NOS1AP: variants seen among roughly 807,000 people sequenced by gnomAD.
NOS1AP encodes the protein nitric oxide synthase 1 adaptor protein, also known as carboxyl-terminal PDZ ligand of neuronal nitric oxide synthase protein.
A neutral mutation model predicts 56.2 loss-of-function variants in NOS1AP; 21 were observed. The ratio of observed to expected loss-of-function variants is 0.37; its 90% CI spans 0.26 to 0.54. The LOEUF (loss-of-function observed/expected upper bound fraction) is 0.54, where lower values mean the gene tolerates loss of function less well. NOS1AP is among the 20% of genes least tolerant of loss of function. NOS1AP has a pLI of 0.84. For synonymous variants in NOS1AP, 270 were observed against 274.6 expected (o/e 0.98, Z 0.17); for missense variants, 522 against 657.8 (o/e 0.79, Z 2.26).
intron 2 of NOS1AP, among the ~76,000 whole-genome samples, chr1:162,169,934 A>T (rs1262442392): frequency 6.6e-6 from 1 of 151,874 alleles, no homozygotes; most frequent in Non-Finnish European, 1.5e-5. Flanking sequence ...TTTCTCTGGA[A>T]TTTCCTCCCT....
intron 1 of NOS1AP, among the ~76,000 whole-genome samples, chr1:162,119,621 T>C (rs1463825412): frequency 6.6e-6 from 1 of 152,202 alleles, no homozygotes; most frequent in Non-Finnish European, 1.5e-5. Flanking sequence ...AAGAGAAGTA[T>C]TAGGAACCTA....
chr1:162,267,836 C>A (rs1292153964), intron 2 of NOS1AP, among the ~76,000 whole-genome samples: 2 of 152,078 alleles, frequency 1.3e-5, no homozygotes, highest in African/African-American at 4.8e-5. Flanking sequence ...GCAGAGGTAG[C>A]TTTAGTCCAA....
At chr1:162,308,465 C>T (rs1294146329) in intron 4 of NOS1AP, among the ~76,000 whole-genome samples, 1 of 152,112 alleles carries the variant, frequency 6.6e-6, no homozygotes, top group Non-Finnish European at 1.5e-5. Flanking sequence ...CCCACAACAC[C>T]TAGTGTCTGC....
At chr1:162,129,452 A>T (rs948673523) in intron 1 of NOS1AP, among the ~76,000 whole-genome samples, 2 of 151,826 alleles carry the variant, frequency 1.3e-5, no homozygotes, top group African/African-American at 4.8e-5. Context: ...GTGTTTTCCT[A>T]CCTCTCACGT....
intron 8 of NOS1AP, chr1:162,364,755 C>G: frequency 3.0e-6 from 3 of 987,076 alleles, no homozygotes; most frequent in Non-Finnish European, 3.6e-6. Flanking sequence ...TCTGCCATAG[C>G]AAATAAAAAA....
At chr1:162,212,226 T>C (rs1652376013) in intron 2 of NOS1AP, among the ~76,000 whole-genome samples, 1 of 152,202 alleles carries the variant, frequency 6.6e-6, no homozygotes, top group Non-Finnish European at 1.5e-5. Context: ...AGGTGTTGTT[T>C]GACATATAGA....
At chr1:162,146,295 G>A (rs1170593385) in intron 1 of NOS1AP, among the ~76,000 whole-genome samples, 1 of 151,926 alleles carries the variant, frequency 6.6e-6, no homozygotes, top group African/African-American at 2.4e-5. Flanking sequence ...TGCCTCCTCT[G>A]AGGTGGGGAG....
intron 1 of NOS1AP, among the ~76,000 whole-genome samples, chr1:162,138,844 A>G (rs1347576909): frequency 1.3e-5 from 2 of 152,144 alleles, no homozygotes; most frequent in African/African-American, 2.4e-5. Flanking sequence ...GGGAAGGGAC[A>G]CTGCACCTAG....
intron 1 of NOS1AP, among the ~76,000 whole-genome samples, chr1:162,119,535 A>C (rs1469057644): frequency 6.6e-6 from 1 of 152,228 alleles, no homozygotes; most frequent in African/African-American, 2.4e-5. Flanking sequence ...ATGGTAAAAT[A>C]TAAGCAAAGG....
chr1:162,101,400 T>C (rs1030999698), intron 1 of NOS1AP, among the ~76,000 whole-genome samples: 1 of 152,226 alleles, frequency 6.6e-6, no homozygotes, highest in African/African-American at 2.4e-5. Context: ...TGTTTAGGAT[T>C]GTCTTGGCTA....
chr1:162,098,031 C>G (rs1402358808), intron 1 of NOS1AP, among the ~76,000 whole-genome samples: 1 of 144,774 alleles, frequency 6.9e-6, no homozygotes, highest in Non-Finnish European at 1.5e-5. Context: ...GGCTTTATCT[C>G]TTCATTTATT....
At chr1:162,356,918 C>G in intron 7 of NOS1AP, 42 bp from the exon 8 acceptor site, 1 of 1,613,454 alleles carries the variant, frequency 6.2e-7, no homozygotes, top group South Asian at 1.1e-5. Flanking sequence ...CTCAAGATGG[C>G]TCCTGCCACA....
intron 2 of NOS1AP, among the ~76,000 whole-genome samples, chr1:162,191,401 A>G (rs780322174): frequency 6.6e-6 from 1 of 151,940 alleles, no homozygotes; most frequent in Non-Finnish European, 1.5e-5. Context: ...TCTGTGCACT[A>G]TGGTGCAGGG....
chr1:162,280,088 A>G (rs539369411), intron 2 of NOS1AP, among the ~76,000 whole-genome samples: 3 of 152,320 alleles, frequency 2.0e-5, no homozygotes, highest in African/African-American at 7.2e-5. Flanking sequence ...CCGAGGTGGG[A>G]GGATTGCTTG....
chr1:162,224,443 T>C (rs1300956144), intron 2 of NOS1AP, among the ~76,000 whole-genome samples: 1 of 152,132 alleles, frequency 6.6e-6, no homozygotes, highest in African/African-American at 2.4e-5. Flanking sequence ...AAGTTGGCAA[T>C]GGAAACTTAG....
At chr1:162,360,495 TCA>T in intron 8 of NOS1AP, 1 of 290,514 alleles carries the variant, frequency 3.4e-6, no homozygotes, top group Admixed American at 4.6e-5. Flanking sequence ...CCAGGTCTAT[TCA>T]CAGTTTGCCA....
At position 162,073,755 on chromosome 1, in the gene NOS1AP, C is replaced by T. The variant is rs529854183; in HGVS notation, c.105+3473C>T. ...GATTACAGGCGTGAACCACTGCGCCCGGCTCAAACTTTTAATGCTTGGCTG... is the reference window on the plus strand; with the variant it reads ...GATTACAGGCGTGAACCACTGCGCCTGGCTCAAACTTTTAATGCTTGGCTG... On this transcript the variant is annotated intron_variant, in intron 1 of 9. Coordinates refer to ENST00000361897, the MANE Select transcript of NOS1AP (RefSeq NM_014697.3). 3.0e-4 allele frequency among the ~76,000 whole-genome samples: 46 copies of T among 152,364 alleles called. 3 individuals are homozygous for T. Among genetic ancestry groups the T allele is most frequent in the Admixed American group, 9.1e-4 (14 of 15,312 alleles).
intron 1 of NOS1AP, among the ~76,000 whole-genome samples, chr1:162,110,870 G>C (rs1046458930): frequency 1.2e-4 from 19 of 152,326 alleles, no homozygotes; most frequent in African/African-American, 2.9e-4. Context: ...ATAAATAGTA[G>C]AGCCAGGATT....
chr1:162,304,861 G>C (rs1226835482), intron 4 of NOS1AP, among the ~76,000 whole-genome samples: 1 of 150,864 alleles, frequency 6.6e-6, no homozygotes, highest in Non-Finnish European at 1.5e-5. Flanking sequence ...CATGAACAAG[G>C]TTATTTATTA....
Sources: gnomAD v4.1 joint callset for allele counts (sites outside exome capture counted in the v4.1 genomes callset) on GRCh38, gnomAD v4.1.1 for gene constraint, MANE v1.5 for transcripts, NCBI Gene and HGNC (gene_info 2026-07-23, HGNC 2026-07-21) for gene names.